Variants in PCSK6 observed in about 807,000 individuals in gnomAD.
PCSK6 encodes proprotein convertase subtilisin/kexin type 6.
In PCSK6, 85 loss-of-function variants were observed where a neutral mutation model predicts 123.3. The observed-to-expected ratio is 0.69, with a 90% confidence interval of 0.58 to 0.83. The LOEUF (loss-of-function observed/expected upper bound fraction) is 0.83. Among genes scored for constraint, PCSK6 ranks in the 40% least tolerant of loss-of-function variants. The probability of loss-of-function intolerance (pLI) is 0.00; values close to 1 mark genes in which losing one functional copy is unlikely to be tolerated. For synonymous variants in PCSK6, 508 were observed against 516.0 expected (o/e 0.98, Z 0.21); for missense variants, 1,191 against 1,282.3 (o/e 0.93, Z 1.09).
At chr15:101,454,531 G>A (rs1276726185) in intron 1 of PCSK6, among the ~76,000 whole-genome samples, 4 of 152,190 alleles carry the variant, frequency 2.6e-5, no homozygotes, top group Admixed American at 6.5e-5. Context: ...CACTAAGGAC[G>A]AATACTGAAC....
chr15:101,419,831 T>C (rs1197973891), intron 6 of PCSK6, among the ~76,000 whole-genome samples: 1 of 151,920 alleles, frequency 6.6e-6, no homozygotes, highest in East Asian at 1.9e-4. Flanking sequence ...TCACCAAATA[T>C]TGATTTGGGG....
intron 13 of PCSK6, among the ~76,000 whole-genome samples, chr15:101,338,743 T>G (rs534686429): frequency 1.3e-5 from 2 of 152,186 alleles, no homozygotes; most frequent in South Asian, 4.1e-4. Context: ...CCAATCAAAT[T>G]TTTTGCCATC....
intron 1 of PCSK6, 98 bp from the exon 2 acceptor site, chr15:101,443,758 C>G: frequency 1.2e-6 from 1 of 837,992 alleles, no homozygotes; most frequent in Non-Finnish European, 2.1e-6. Flanking sequence ...CTGAGGGGCT[C>G]ATTCTCCCAG....
Position 101,310,370 on chromosome 15 carries a change from C to T in PCSK6, c.2699+3006G>A, listed in dbSNP as rs927408595. ...CTCCTGAGGGGCAAAGAGAGGTTTG[C>T]GGTGGGGCTGCCTGCAGGGGTCCAG... On this transcript the variant is annotated intron_variant, in intron 20 of 21. Transcript: ENST00000611716. Among the ~76,000 whole-genome samples the T allele has an allele frequency of 3.3e-5, 5 of 152,168 alleles. No homozygotes were observed. In the South Asian group the frequency reaches 6.2e-4, roughly 19 times the overall value.
At chr15:101,438,529 T>C (rs2056666222) in intron 2 of PCSK6, among the ~76,000 whole-genome samples, 1 of 152,224 alleles carries the variant, frequency 6.6e-6, no homozygotes, top group Non-Finnish European at 1.5e-5. Flanking sequence ...TAACCTCCTG[T>C]TGCATTGGCA....
intron 1 of PCSK6, among the ~76,000 whole-genome samples, chr15:101,474,446 C>T (rs905504134): frequency 5.3e-5 from 8 of 152,216 alleles, no homozygotes; most frequent in African/African-American, 1.7e-4. Flanking sequence ...GCCTGCCTGA[C>T]CCATCTTTAT....
At chr15:101,456,852 A>G (rs917891123) in intron 1 of PCSK6, among the ~76,000 whole-genome samples, 2 of 152,196 alleles carry the variant, frequency 1.3e-5, no homozygotes, top group African/African-American at 4.8e-5. Context: ...CTTGCCTTGC[A>G]TGACCAAGGA....
chr15:101,475,119 T>C (rs1048996791), intron 1 of PCSK6, among the ~76,000 whole-genome samples: 6 of 152,190 alleles, frequency 3.9e-5, no homozygotes, highest in Non-Finnish European at 7.3e-5. Flanking sequence ...TCCTCACTTA[T>C]CCTAAAACAT....
chr15:101,346,778 A>G (rs1427558694), intron 13 of PCSK6: 11 of 1,230,572 alleles, frequency 8.9e-6, no homozygotes, highest in African/African-American at 1.6e-5. Context: ...ATTAGCTATG[A>G]GGTGAGACAA....
chr15:101,339,910 A>AATAT lies in PCSK6; in HGVS notation c.1859-7883_1859-7880dup, dbSNP rs113117643. Among the ~76,000 whole-genome samples, 1,048 of 146,972 alleles carry AATAT rather than the reference A, an allele frequency of 7.1e-3. 11 individuals are homozygous for AATAT. The highest frequency in any genetic ancestry group is 0.018 in the South Asian group (80 of 4,568). ...GGGTGACAGAGCAAGACCCTTTCTC[A>AATAT]ATATATATATATATATATATATAAA... On this transcript the variant is annotated intron_variant, in intron 13 of 21. Coordinates refer to ENST00000611716, the MANE Select transcript of PCSK6 (RefSeq NM_002570.5).
At chr15:101,356,895 T>G (rs929639844) in intron 13 of PCSK6, among the ~76,000 whole-genome samples, 6 of 152,166 alleles carry the variant, frequency 3.9e-5, no homozygotes, top group Non-Finnish European at 8.8e-5. Flanking sequence ...ATGACTGATG[T>G]GCTACTCAAC....
chr15:101,443,993 A>C (rs529320590), intron 1 of PCSK6, among the ~76,000 whole-genome samples: 1 of 152,368 alleles, frequency 6.6e-6, no homozygotes, highest in South Asian at 2.1e-4. Context: ...TTTAGGGCCA[A>C]GAATCCCTGA....
At chr15:101,336,781 C>T (rs1241524985) in intron 13 of PCSK6, 1 of 140,610 alleles carries the variant, frequency 7.1e-6, no homozygotes, top group African/African-American at 2.8e-5. Flanking sequence ...CTGCAAGATA[C>T]TCATGACAGC....
At chr15:101,369,186 G>A (rs2041498794) in intron 12 of PCSK6, among the ~76,000 whole-genome samples, 1 of 152,232 alleles carries the variant, frequency 6.6e-6, no homozygotes, top group Admixed American at 6.5e-5. Context: ...AGGCTGCTGG[G>A]CAGTGCTGTG....
intron 1 of PCSK6, among the ~76,000 whole-genome samples, chr15:101,472,068 T>C (rs373873746): frequency 6.6e-6 from 1 of 151,790 alleles, no homozygotes; most frequent in African/African-American, 2.4e-5. Context: ...AACTCCATAA[T>C]CCTCTGAGGA....
intron 6 of PCSK6, among the ~76,000 whole-genome samples, chr15:101,419,574 C>G (rs1178541689): frequency 6.7e-6 from 1 of 150,278 alleles, no homozygotes; most frequent in Non-Finnish European, 1.5e-5. Context: ...AGCAGATTCT[C>G]AAGTTCATCT....
At chr15:101,380,171 G>A (rs971611979) in intron 11 of PCSK6, among the ~76,000 whole-genome samples, 24 of 152,116 alleles carry the variant, frequency 1.6e-4, no homozygotes, top group Non-Finnish European at 2.9e-4. Context: ...TGTATGTGAC[G>A]GCGGGCTCCC....
In PCSK6 at chr15:101,333,596, C is replaced by T. The variant is rs555057432; in HGVS notation, c.1859-1565G>A. 1.8e-3 allele frequency among the ~76,000 whole-genome samples: 280 copies of T among 152,362 alleles called. 1 individual carries two copies. Among genetic ancestry groups the T allele is most frequent in the African/African-American group, 4.9e-3 (202 of 41,578 alleles). ...CTCTGCCCATGCTCGCTACTCCACC[C>T]GCTGGCTCTAAATGGCAGCCTGTCT... On this transcript the variant is annotated intron_variant, in intron 13 of 21. Coordinates refer to ENST00000611716, the MANE Select transcript of PCSK6 (RefSeq NM_002570.5).
At chr15:101,345,106 C>T (rs2040700178) in intron 13 of PCSK6, among the ~76,000 whole-genome samples, 2 of 152,162 alleles carry the variant, frequency 1.3e-5, no homozygotes, top group South Asian at 4.2e-4. Flanking sequence ...CCTGAGGTCC[C>T]AGTGTTATGT....
Sources: allele counts gnomAD v4.1 joint callset (sites outside exome capture counted in the v4.1 genomes callset), GRCh38; gene constraint gnomAD v4.1.1; transcripts MANE v1.5; gene names NCBI Gene and HGNC (gene_info 2026-07-23, HGNC 2026-07-21).